The following DHX57 variants were observed in gnomAD, a reference collection of about 807,000 sequenced individuals.
DHX57 encodes putative ATP-dependent RNA helicase DHX57.
Under a neutral mutation model 156.2 loss-of-function variants are expected in DHX57, and 105 were observed. The observed-to-expected ratio is 0.67, with a 90% CI of 0.57 to 0.79. The LOEUF is 0.79. Ranked by LOEUF, DHX57 falls within the 30% of genes least tolerant of loss-of-function variation. The pLI, the probability that DHX57 is intolerant of heterozygous loss-of-function variation, is 0.00. For missense variants in DHX57, 1,847 were observed against 1,661.9 expected, an observed-to-expected ratio of 1.11 and a Z score of -1.94; for synonymous variants, 704 against 595.6, an observed-to-expected ratio of 1.18 and a Z score of -2.65.
Position 38,858,584 on chromosome 2 carries a change from C to A in DHX57, c.1587+77G>T, listed in dbSNP as rs1673021120. On this transcript the variant is annotated intron_variant, in intron 6 of 23. Coordinates refer to ENST00000457308, the MANE Select transcript of DHX57 (RefSeq NM_198963.3). Reference sequence around the variant, plus strand: ...ACCAGAAGAATTTTAAGGAGGGTAGCCAAAGCTCCCTAATTCCTAATCCCA... The same window carrying A: ...ACCAGAAGAATTTTAAGGAGGGTAGACAAAGCTCCCTAATTCCTAATCCCA... The A allele has an allele frequency of 2.0e-6, 3 of 1,493,658 alleles. No individual in the cohort carries two copies. The Admixed American group carries it at 7.2e-5, about 36-fold the overall frequency. 92.5% of individuals were successfully genotyped at this position (1,493,658 alleles called of 1,614,324 possible).
At chr2:38,834,317 G>A (rs1179380316) in intron 13 of DHX57, among the ~76,000 whole-genome samples, 1 of 96,124 alleles carries the variant, frequency 1.0e-5, no homozygotes, top group African/African-American at 4.0e-5. Flanking sequence ...GTCAACAAGA[G>A]CAAAACTCCA....
At chr2:38,832,867 C>T (rs568983144) in intron 13 of DHX57, among the ~76,000 whole-genome samples, 1 of 152,004 alleles carries the variant, frequency 6.6e-6, no homozygotes, top group Non-Finnish European at 1.5e-5. Flanking sequence ...ATCTATTATT[C>T]CATTTAATCA....
At chr2:38,839,715 G>A (rs566453855) in intron 12 of DHX57, among the ~76,000 whole-genome samples, 24 of 147,386 alleles carry the variant, frequency 1.6e-4, no homozygotes, top group Middle Eastern at 3.6e-3. Context: ...GCAAGACTCC[G>A]TCTCAAAAAA....
rs1220965981 is a variant in DHX57 at position 38,855,271 on chromosome 2, A to T, written c.1710-19T>A. The T allele has an allele frequency of 3.1e-6, 5 of 1,613,688 alleles. No homozygotes were observed. The highest frequency in any genetic ancestry group is 4.2e-6 in the Non-Finnish European group (5 of 1,179,586). ...CCCACATCTGTACATTAAAACAAAT[A>T]AGTCCTAAAATGAAGTTTTCAAGGG... On this transcript the variant is annotated intron_variant, in intron 7 of 23. Coordinates refer to ENST00000457308, the MANE Select transcript of DHX57 (RefSeq NM_198963.3).
chr2:38,838,243 C>T (rs1671788941), intron 12 of DHX57, among the ~76,000 whole-genome samples: 3 of 152,134 alleles, frequency 2.0e-5, no homozygotes. Context: ...GGACTGCAGG[C>T]ATGCACCACC....
chr2:38,822,529 G>A (rs1207824143), intron 17 of DHX57, among the ~76,000 whole-genome samples: 1 of 151,964 alleles, frequency 6.6e-6, no homozygotes, highest in Non-Finnish European at 1.5e-5. Flanking sequence ...AAGTAGTTGG[G>A]ACTACATGTG....
chr2:38,841,780 T>A (rs577473301), intron 12 of DHX57, among the ~76,000 whole-genome samples: 1 of 152,186 alleles, frequency 6.6e-6, no homozygotes, highest in Admixed American at 6.5e-5. Flanking sequence ...GGGGTTTCTA[T>A]GGGCTCAGTT....
At chr2:38,838,678 A>G in intron 12 of DHX57, 1 of 410,034 alleles carries the variant, frequency 2.4e-6, no homozygotes. Flanking sequence ...TATGGCAATC[A>G]ATGGACAGAG....
chr2:38,821,322 T>A (rs565022903), intron 17 of DHX57, among the ~76,000 whole-genome samples: 1 of 152,002 alleles, frequency 6.6e-6, no homozygotes, highest in Non-Finnish European at 1.5e-5. Context: ...AAGAGCCACC[T>A]AAACCTTAAG....
intron 5 of DHX57, among the ~76,000 whole-genome samples, 168 bp from the exon 6 acceptor site, chr2:38,859,004 T>C (rs1242896397): frequency 6.6e-6 from 1 of 152,174 alleles, no homozygotes; most frequent in Non-Finnish European, 1.5e-5. Flanking sequence ...CTAAAGAACT[T>C]AAAATGCATC....
intron 12 of DHX57, among the ~76,000 whole-genome samples, chr2:38,841,582 G>T (rs1452768459): frequency 6.6e-6 from 1 of 152,172 alleles, no homozygotes; most frequent in African/African-American, 2.4e-5. Flanking sequence ...GCAGAAAAAG[G>T]AAAATTCATT....
chr2:38,873,019 G>T (rs1192806436), intron 1 of DHX57, among the ~76,000 whole-genome samples: 7 of 151,272 alleles, frequency 4.6e-5, no homozygotes, highest in Admixed American at 6.6e-5. Flanking sequence ...ACAGAGTCTT[G>T]CTCTGTCGCC....
intron 9 of DHX57, among the ~76,000 whole-genome samples, chr2:38,849,177 T>C: frequency 6.6e-6 from 1 of 152,308 alleles, no homozygotes; most frequent in South Asian, 2.1e-4. Context: ...AACTGATAAA[T>C]GGTTAATTAT....
intron 22 of DHX57, 132 bp downstream of exon 22, chr2:38,806,424 CTTA>C: frequency 1.0e-6 from 1 of 973,452 alleles, no homozygotes; most frequent in Non-Finnish European, 1.5e-6. Context: ...TCTGTTTATT[CTTA>C]TTCAATCTTC....
At chr2:38,820,008 G>A (rs1223379847) in intron 17 of DHX57, among the ~76,000 whole-genome samples, 1 of 152,050 alleles carries the variant, frequency 6.6e-6, no homozygotes, top group Admixed American at 6.6e-5. Context: ...TACCTTCTCA[G>A]GCTCTAAAGG....
intron 7 of DHX57, 87 bp from the exon 8 acceptor site, chr2:38,855,339 T>C: frequency 7.5e-7 from 1 of 1,340,892 alleles, no homozygotes; most frequent in Non-Finnish European, 1.1e-6. Flanking sequence ...AGAAAAGTGA[T>C]AAAGCTAATT....
chr2:38,859,910 A>C (rs1673100905), intron 5 of DHX57, among the ~76,000 whole-genome samples: 1 of 151,518 alleles, frequency 6.6e-6, no homozygotes, highest in Non-Finnish European at 1.5e-5. Flanking sequence ...TCTGAGGCTG[A>C]AGTGATTCCC....
chr2:38,865,052 T>G (rs1664993813), intron 2 of DHX57, among the ~76,000 whole-genome samples: 1 of 152,204 alleles, frequency 6.6e-6, no homozygotes, highest in Non-Finnish European at 1.5e-5. Context: ...CAAAAACCAC[T>G]CTCTTAGTTT....
At chr2:38,813,376 G>GT (rs1045898471) in intron 21 of DHX57, among the ~76,000 whole-genome samples, 332 of 143,024 alleles carry the variant, frequency 2.3e-3, no homozygotes, top group Admixed American at 3.5e-3. Flanking sequence ...TGTATACTAA[G>GT]TTTTTTTTTT....
Sources: allele counts gnomAD v4.1 joint callset (sites outside exome capture counted in the v4.1 genomes callset), GRCh38; gene constraint gnomAD v4.1.1; transcripts MANE v1.5; gene names NCBI Gene and HGNC (gene_info 2026-07-23, HGNC 2026-07-21).